The following MUC22 variants were observed in gnomAD, a reference collection of about 807,000 sequenced individuals.
MUC22 encodes mucin-22.
Under a neutral mutation model 40.3 loss-of-function variants are expected in MUC22, and 24 were observed. The observed-to-expected ratio is 0.60, with a 90% CI of 0.43 to 0.84. MUC22 has a LOEUF of 0.84. Ranked by LOEUF, MUC22 falls within the 40% of genes least tolerant of loss-of-function variation. The pLI, the probability that MUC22 is intolerant of heterozygous loss-of-function variation, is 0.00. For missense variants in MUC22, 1,926 were observed against 2,130.7 expected (o/e 0.90, Z 1.89); for synonymous variants, 765 against 844.5 (o/e 0.91, Z 1.63).
chr6:31,029,694 A>G, exon 2 of MUC22: 1 of 1,533,944 alleles, frequency 6.5e-7, no homozygotes, highest in Non-Finnish European at 8.7e-7. Context: ...CCTCTGCTGC[A>G]GGCTCTGAGG....
chr6:31,020,792 G>A (rs1320558578), intron 1 of MUC22, among the ~76,000 whole-genome samples: 3 of 148,280 alleles, frequency 2.0e-5, no homozygotes, highest in Non-Finnish European at 4.5e-5. Flanking sequence ...GGTAGGCGTG[G>A]GCTTGGCGGC....
At chr6:31,008,555 T>TC (rs958772656), upstream of MUC22, among the ~76,000 whole-genome samples, 159 of 150,160 alleles carry the variant, frequency 1.1e-3, no homozygotes, top group Non-Finnish European at 3.4e-4. Context: ...TTTCTTTCTT[T>TC]TTTTTTTTTT....
chr6:31,026,146 A>G (rs1765296410), exon 2 of MUC22: 1 of 1,524,382 alleles, frequency 6.6e-7, no homozygotes, highest in Non-Finnish European at 8.8e-7. Context: ...TGAGGCCACC[A>G]CAACCTCAAC....
chr6:31,029,966 G>C, exon 2 of MUC22: 1 of 1,534,992 alleles, frequency 6.5e-7, no homozygotes, highest in Non-Finnish European at 8.7e-7. Flanking sequence ...TCCCTCACAG[G>C]CTCTGAGACC....
exon 2 of MUC22, chr6:31,030,003 G>A (rs1199463753): frequency 6.5e-7 from 1 of 1,535,724 alleles, no homozygotes; most frequent in Admixed American, 2.0e-5. Flanking sequence ...CAGCTTCTGG[G>A]GCCACTGCAG....
In MUC22 at chr6:31,010,690, A is replaced by G. The variant is rs1356124468; in HGVS notation, c.-17A>G. 1 of 702,386 alleles carries G rather than the reference A, an allele frequency of 1.4e-6. No individual in the cohort carries two copies. Among genetic ancestry groups the G allele is most frequent in the Non-Finnish European group, 2.6e-6 (1 of 384,992 alleles). 43.5% of individuals were successfully genotyped at this position (702,386 alleles called of 1,614,324 possible). A position where few individuals can be genotyped will look rare whatever the true frequency, so the allele number is the denominator to read the frequency against. The stretch of plus-strand genomic sequence containing the variant: ...CCCAGGCATCTAAATGACAACTTCT[A>G]TGTGCATCATTTAGAGATGAGAAGA... On this transcript the variant is annotated 5_prime_UTR_variant, in exon 1 of 4. It removes an upstream start codon present in the reference 5' UTR. Coordinates refer to ENST00000561890, the Ensembl canonical transcript of MUC22.
chr6:31,029,720 C>T (rs987932110), exon 2 of MUC22: 1 of 1,533,690 alleles, frequency 6.5e-7, no homozygotes, highest in African/African-American at 1.4e-5. Flanking sequence ...ACCACCTCTA[C>T]TGAAGGCTCT....
intron 1 of MUC22, among the ~76,000 whole-genome samples, chr6:31,022,399 T>C (rs183477107): frequency 1.3e-5 from 2 of 152,272 alleles, no homozygotes; most frequent in East Asian, 3.9e-4. Context: ...CCTGGTGATC[T>C]GCCTGCCTCT....
intron 1 of MUC22, among the ~76,000 whole-genome samples, chr6:31,022,819 G>A (rs1764975206): frequency 6.6e-6 from 1 of 152,094 alleles, no homozygotes; most frequent in African/African-American, 2.4e-5. Flanking sequence ...GCTAATGGTG[G>A]AAATAAAATG....
At chr6:31,026,339 C>G in exon 2 of MUC22, 1 of 1,508,176 alleles carries the variant, frequency 6.6e-7, no homozygotes, top group South Asian at 1.2e-5. Context: ...CCCTCCCCCA[C>G]AGGCTCTCAG....
intron 1 of MUC22, among the ~76,000 whole-genome samples, chr6:31,016,118 G>A (rs56183784): frequency 0.012 from 1,691 of 141,756 alleles, 10 homozygotes; most frequent in Middle Eastern, 0.063. Flanking sequence ...CCATTTTTAA[G>A]ATGGCATCTC....
chr6:31,022,119 C>A (rs967147931), intron 1 of MUC22, among the ~76,000 whole-genome samples: 1 of 152,036 alleles, frequency 6.6e-6, no homozygotes, highest in Non-Finnish European at 1.5e-5. Context: ...GAAGAAACTC[C>A]GAACACATCT....
At chr6:31,020,947 C>T (rs1318339928) in intron 1 of MUC22, among the ~76,000 whole-genome samples, 1 of 152,232 alleles carries the variant, frequency 6.6e-6, no homozygotes, top group Admixed American at 6.5e-5. Flanking sequence ...TGGGCCTTAG[C>T]TGTCTTCCCA....
chr6:31,007,468 G>T (rs1435159122), upstream of MUC22, among the ~76,000 whole-genome samples: 1 of 152,074 alleles, frequency 6.6e-6, no homozygotes, highest in African/African-American at 2.4e-5. The surrounding 1 kb of genome is among the most constrained non-coding windows in gnomAD (Gnocchi z 4.0). Flanking sequence ...TATATGGAAG[G>T]TACCATTGAG....
Position 31,032,376 on chromosome 6 carries a change from C to T in MUC22, c.4850C>T (p.Thr1617Ile), listed in dbSNP as rs1581675404. 3 of 1,535,724 alleles carry T rather than the reference C, an allele frequency of 2.0e-6. No homozygotes were observed. Among genetic ancestry groups the T allele is most frequent in the East Asian group, 4.9e-5 (2 of 40,922 alleles). Residue 1617 changes from threonine (T) to isoleucine (I), a missense_variant, in exon 3 of 4, where the codon ACC (threonine) becomes ATC (isoleucine). Physicochemically the swap from Thr to Ile is moderately conservative, Grantham distance 89 (BLOSUM62 -1). Around this residue, in one of 3 missense-constraint regions of MUC22, gnomAD observed 610 missense variants for 714.6 expected, o/e 0.85. Transcript: ENST00000561890. The surrounding 1 kb of genome is among the most constrained non-coding windows in gnomAD (Gnocchi z 4.1). ...ACCTCAGCCCACGGCGTCAGGACCACCACAGGATCCACCCGTGAGCCAACC... is the reference window on the plus strand; with the variant it reads ...ACCTCAGCCCACGGCGTCAGGACCATCACAGGATCCACCCGTGAGCCAACC...
chr6:31,026,608 G>C, exon 2 of MUC22: 1 of 1,507,350 alleles, frequency 6.6e-7, no homozygotes, highest in Non-Finnish European at 8.9e-7. Context: ...CTCTACTGCA[G>C]GCTCTGAGAC....
rs370237964 is a variant in MUC22, at chr6:31,029,634, A to C, written c.4203A>C (p.Thr1401=). 409 of 1,535,424 alleles carry C rather than the reference A, an allele frequency of 2.7e-4. 6 individuals carry two copies. In the South Asian group the frequency reaches 4.3e-3, roughly 16 times the overall value. The change falls in exon 2 of 4, where the codon ACA becomes ACC. Residue 1401 remains threonine (T), a synonymous_variant. Transcript: ENST00000561890. ...CTGAGATGACTACAGTCTTTACCAC[A>C]GTCTCTGAGACCACCACAGTCTCTA...
chr6:31,010,652 C>T, exon 1 of MUC22: 1 of 701,988 alleles, frequency 1.4e-6, no homozygotes, highest in Non-Finnish European at 2.6e-6. Context: ...TTTGACCTAT[C>T]CTTCCTTTGG....
rs1440371274 is a variant in MUC22, at chr6:31,026,606, C to A, written c.1175C>A (p.Ala392Glu). Reference sequence around the variant, plus strand: ...TCTGAGACCACCGTCACCTCTACTGCAGGCTCTGAGACCACCACAGTCTCC... The same window carrying A: ...TCTGAGACCACCGTCACCTCTACTGAAGGCTCTGAGACCACCACAGTCTCC... The change falls in exon 2 of 4, where the codon GCA becomes GAA. Residue 392 changes from alanine to glutamate, a missense_variant. Physicochemically the swap from Ala to Glu is moderately radical, Grantham distance 107 (BLOSUM62 -1). Transcript: ENST00000561890. The A allele has an allele frequency of 7.6e-5, 115 of 1,507,318 alleles. 15 individuals carry two copies. Among genetic ancestry groups the A allele is most frequent in the Admixed American group, 2.0e-4 (10 of 49,030 alleles). 93.4% of individuals were successfully genotyped at this position (1,507,318 alleles called of 1,614,324 possible).
Sources: gnomAD v4.1 joint callset for allele counts (sites outside exome capture counted in the v4.1 genomes callset) on GRCh38, gnomAD v4.1.1 for gene constraint, gnomAD v4.1.1 regional missense constraint, Gnocchi (gnomAD v3.1) non-coding constraint, MANE v1.5 for transcripts, NCBI Gene and HGNC (gene_info 2026-07-23, HGNC 2026-07-21) for gene names.